The following ZNF141 variants were observed in gnomAD, a reference collection of about 807,000 sequenced individuals.
ZNF141 encodes zinc finger protein 141 (clone pHZ-44).
A neutral mutation model predicts 11.3 loss-of-function variants in ZNF141; 7 were observed. The ratio of observed to expected loss-of-function variants is 0.62; its 90% CI spans 0.35 to 1.16. The LOEUF is 1.16. Among genes scored for constraint, ZNF141 ranks in the 50% most tolerant of loss-of-function variants. ZNF141 has a pLI of 0.02. For synonymous variants in ZNF141, 183 were observed against 190.7 expected (o/e 0.96, Z 0.33); for missense variants, 535 against 554.0 (o/e 0.97, Z 0.34).
rs955914893 is a variant in ZNF141, at chr4:377,430, G to A, written c.*3568G>A. On this transcript the variant is annotated 3_prime_UTR_variant, in exon 4 of 4. Coordinates refer to ENST00000240499, the MANE Select transcript of ZNF141 (RefSeq NM_003441.4). Reference sequence around the variant, plus strand: ...GCTGCAGAACCAACTCATTATGAATGTAAAGAGGATTTCTTTTCTTATTTT... The same window carrying A: ...GCTGCAGAACCAACTCATTATGAATATAAAGAGGATTTCTTTTCTTATTTT... Among the ~76,000 whole-genome samples, 1 of 152,192 alleles carries A rather than the reference G, an allele frequency of 6.6e-6. No individual in the cohort carries two copies. Among genetic ancestry groups the A allele is most frequent in the Non-Finnish European group, 1.5e-5 (1 of 68,034 alleles).
In ZNF141 at chr4:374,205, C is replaced by A; in HGVS notation, c.*343C>A. ...TAAGAAAAATCATGCTGGAGGGAAG[C>A]CCTACACATGTGGCAGAATGTGGCA... On this transcript the variant is annotated 3_prime_UTR_variant, in exon 4 of 4. Transcript: ENST00000240499. The A allele has an allele frequency of 3.1e-6, 1 of 324,818 alleles. No individual in the cohort carries two copies. The highest frequency in any genetic ancestry group is 3.3e-5 in the South Asian group (1 of 30,452). The allele number at this position is 324,818 out of a possible 1,614,324, so 20.1% of individuals were successfully genotyped here.
At position 377,877 on chromosome 4, in the gene ZNF141, A is replaced by G. The variant is rs1235798372; in HGVS notation, c.*4015A>G. On this transcript the variant is annotated 3_prime_UTR_variant, in exon 4 of 4. Coordinates refer to ENST00000240499, the MANE Select transcript of ZNF141 (RefSeq NM_003441.4). Reference sequence around the variant, plus strand: ...AGAGGAAATATATCTTAGAAATAAAATTTTTAGGCCAGGTGGCGGTGGTTC... The same window carrying G: ...AGAGGAAATATATCTTAGAAATAAAGTTTTTAGGCCAGGTGGCGGTGGTTC... Among the ~76,000 whole-genome samples the G allele has an allele frequency of 2.0e-5, 3 of 152,206 alleles. No individual in the cohort carries two copies. The highest frequency in any genetic ancestry group is 4.4e-5 in the Non-Finnish European group (3 of 68,032).
At chr4:339,342 C>T (rs1377426367) in intron 1 of ZNF141, among the ~76,000 whole-genome samples, 1 of 152,232 alleles carries the variant, frequency 6.6e-6, no homozygotes, top group Non-Finnish European at 1.5e-5. Flanking sequence ...CCTGCCTGGG[C>T]CTGAACTTGT....
chr4:381,400 C>CTTTT lies in ZNF141; in HGVS notation c.*7561_*7564dup, dbSNP rs34721227. 1.9e-4 allele frequency among the ~76,000 whole-genome samples: 15 copies of CTTTT among 76,946 alleles called. No homozygotes were observed. Among genetic ancestry groups the CTTTT allele is most frequent in the South Asian group, 9.9e-4 (2 of 2,024 alleles). The allele number at this position is 76,946 out of a possible 152,430, so 50.5% of individuals were successfully genotyped here. A position where few individuals can be genotyped will look rare whatever the true frequency, so the allele number is the denominator to read the frequency against. ...CTATTTAATACAGACTTCAAATGTG[C>CTTTT]TTTTTTTTTTTTTTTTTTTTTTTTT... is the stretch of plus-strand genomic sequence containing the variant. On this transcript the variant is annotated 3_prime_UTR_variant, in exon 4 of 4. Transcript: ENST00000240499.
At position 346,637 on chromosome 4, in the gene ZNF141, A is replaced by G. The variant is rs529511638; in HGVS notation, c.226+2207A>G. Among the ~76,000 whole-genome samples the G allele has an allele frequency of 4.6e-5, 7 of 152,278 alleles. No homozygotes were observed. The East Asian group carries it at 1.3e-3, about 29-fold the overall frequency. On this transcript the variant is annotated intron_variant, in intron 3 of 3. Coordinates refer to ENST00000240499, the MANE Select transcript of ZNF141 (RefSeq NM_003441.4). The stretch of plus-strand genomic sequence containing the variant: ...GAACAACATCTCATATTCCCACCCT[A>G]GGCACTAACAACTACCATTCTGCTC...
rs782782919 is a variant in ZNF141, at chr4:342,505, T to C, written c.4-1277T>C. On this transcript the variant is annotated intron_variant, in intron 1 of 3. Coordinates refer to ENST00000240499, the MANE Select transcript of ZNF141 (RefSeq NM_003441.4). ...GGGTCTAGAGGGAGGAGCGTCAGCA[T>C]TAACAGGAGACTTGCTGTAAAAAGC... Among the ~76,000 whole-genome samples, 17 of 152,192 alleles carry C rather than the reference T, an allele frequency of 1.1e-4. 1 individual carries two copies. Among genetic ancestry groups the C allele is most frequent in the Admixed American group, 3.3e-4 (5 of 15,278 alleles).
chr4:343,586 G>A lies in ZNF141; in HGVS notation c.4-196G>A, dbSNP rs192851739. On this transcript the variant is annotated intron_variant, in intron 1 of 3. Transcript: ENST00000240499. ...TAAAAATACAAAAAATCAGCTGGGC[G>A]TGGTGGCGGGCACATGTAGTCCCAG... Among the ~76,000 whole-genome samples the A allele has an allele frequency of 2.0e-4, 31 of 152,040 alleles. No individual in the cohort carries two copies. The East Asian group carries it at 3.9e-3, about 19-fold the overall frequency.
At chr4:366,195 G>A (rs1711733043) in intron 3 of ZNF141, among the ~76,000 whole-genome samples, 1 of 152,098 alleles carries the variant, frequency 6.6e-6, no homozygotes, top group Admixed American at 6.5e-5. Flanking sequence ...TGATAGAGAT[G>A]GCATTGAATC....
intron 3 of ZNF141, among the ~76,000 whole-genome samples, chr4:352,911 C>T (rs149374070): frequency 3.9e-5 from 6 of 152,144 alleles, no homozygotes; most frequent in African/African-American, 1.4e-4. Context: ...AGGTGGGCCC[C>T]TGGAGTTTGT....
intron 3 of ZNF141, among the ~76,000 whole-genome samples, chr4:355,701 G>A (rs1341883128): frequency 6.6e-6 from 1 of 152,142 alleles, no homozygotes. Context: ...TTCTGTGAAT[G>A]TTTTAGATTG....
chr4:338,116 C>G (rs920050310), intron 1 of ZNF141, 130 bp downstream of exon 1: 1 of 1,257,954 alleles, frequency 7.9e-7, no homozygotes, highest in East Asian at 2.5e-5. Context: ...TCAGTACCCT[C>G]CGGTGAGGGA....
chr4:369,746 ATATATATATATATATATATT>A (rs1553853303), intron 3 of ZNF141, among the ~76,000 whole-genome samples: 2 of 32,664 alleles, frequency 6.1e-5, no homozygotes, highest in East Asian at 1.2e-3. Context: ...AGATATATAT[ATATATATATATATATATATT>A]TTTTTTTTTT....
At chr4:367,663 C>T (rs1187975144) in intron 3 of ZNF141, among the ~76,000 whole-genome samples, 24 of 151,886 alleles carry the variant, frequency 1.6e-4, no homozygotes, top group African/African-American at 5.3e-4. Context: ...ATTACAGGTG[C>T]GCACCACCAT....
rs1712631502 is a variant in ZNF141, at chr4:381,792, A to G, written c.*7930A>G. On this transcript the variant is annotated 3_prime_UTR_variant, in exon 4 of 4. Transcript: ENST00000240499. ...ACAACAGAGAATACCCCTATTAAAT[A>G]TGGGTCACAGATTTTTACCCTAGTC... 6.6e-6 allele frequency among the ~76,000 whole-genome samples: 1 copy of G among 151,962 alleles called. No homozygotes were observed. Among genetic ancestry groups the G allele is most frequent in the African/African-American group, 2.4e-5 (1 of 41,348 alleles).
intron 3 of ZNF141, among the ~76,000 whole-genome samples, chr4:370,103 A>G (rs1711982618): frequency 6.6e-6 from 1 of 152,020 alleles, no homozygotes; most frequent in Non-Finnish European, 1.5e-5. Context: ...TGTAACTTGA[A>G]TTGCATTTGA....
chr4:381,946 C>CTT lies in ZNF141; in HGVS notation c.*8102_*8103dup, dbSNP rs34905613. On this transcript the variant is annotated 3_prime_UTR_variant, in exon 4 of 4. Coordinates refer to ENST00000240499, the MANE Select transcript of ZNF141 (RefSeq NM_003441.4). ...CTAGGGCCACCACCATCTCTGGGAA[C>CTT]TTTTTTTTTTTTTTTTTTTGAGACG... Among the ~76,000 whole-genome samples the CTT allele has an allele frequency of 0.011, 1,131 of 105,906 alleles. 89 individuals carry two copies. The highest frequency in any genetic ancestry group is 0.047 in the African/African-American group (1,046 of 22,434). 69.5% of individuals were successfully genotyped at this position (105,906 alleles called of 152,430 possible). A position where few individuals can be genotyped will look rare whatever the true frequency, so the allele number is the denominator to read the frequency against.
intron 3 of ZNF141, among the ~76,000 whole-genome samples, chr4:353,860 C>G (rs1349411527): frequency 6.6e-6 from 1 of 152,132 alleles, no homozygotes; most frequent in Non-Finnish European, 1.5e-5. Context: ...GGAAGGACTT[C>G]TGAGGGCAGA....
intron 3 of ZNF141, among the ~76,000 whole-genome samples, chr4:350,439 T>A (rs1721541929): frequency 6.6e-6 from 1 of 152,252 alleles, no homozygotes; most frequent in Non-Finnish European, 1.5e-5. Context: ...TATTGTAGCA[T>A]CTGACAAGAC....
intron 3 of ZNF141, among the ~76,000 whole-genome samples, chr4:364,223 A>G (rs1418772185): frequency 6.6e-6 from 1 of 152,130 alleles, no homozygotes; most frequent in Non-Finnish European, 1.5e-5. Flanking sequence ...GTTAGGGAGG[A>G]GTCCCTCTTT....
Sources: gnomAD v4.1 joint callset for allele counts (sites outside exome capture counted in the v4.1 genomes callset) on GRCh38, gnomAD v4.1.1 for gene constraint, MANE v1.5 for transcripts, NCBI Gene and HGNC (gene_info 2026-07-23, HGNC 2026-07-21) for gene names.